TCERG1L: variants seen among roughly 807,000 people sequenced by gnomAD.
The protein encoded by TCERG1L is transcription elongation regulator 1 like.
Under a neutral mutation model 56.3 loss-of-function variants are expected in TCERG1L, and 37 were observed. That is an observed-to-expected ratio of 0.66 (90% CI 0.51 to 0.87). The LOEUF is 0.87. Ranked by LOEUF, TCERG1L falls within the 40% of genes least tolerant of loss-of-function variation. TCERG1L has a pLI of 0.00. For synonymous variants in TCERG1L, 324 were observed against 326.3 expected (o/e 0.99, Z 0.08); for missense variants, 799 against 774.2 (o/e 1.03, Z -0.38).
At chr10:131,221,763 C>A (rs1362948472) in intron 4 of TCERG1L, among the ~76,000 whole-genome samples, 1 of 152,212 alleles carries the variant, frequency 6.6e-6, no homozygotes, top group East Asian at 1.9e-4. Flanking sequence ...ACACGGAGGG[C>A]AGCCCGGTCT....
chr10:131,301,980 G>C (rs867761957), intron 3 of TCERG1L, among the ~76,000 whole-genome samples: 2 of 152,064 alleles, frequency 1.3e-5, no homozygotes, highest in South Asian at 2.1e-4. Context: ...TAAAATACAA[G>C]ATGTAGACAG....
Position 131,260,250 on chromosome 10 carries a change from C to T in TCERG1L, c.856+9G>A, listed in dbSNP as rs757070952. 16 of 1,353,648 alleles carry T rather than the reference C, an allele frequency of 1.2e-5. No homozygotes were observed. In the East Asian group the frequency reaches 1.4e-4, roughly 12 times the overall value. 83.9% of individuals were successfully genotyped at this position (1,353,648 alleles called of 1,614,324 possible). ...AGCACCAGGCGTCGGGACGGCGCTCCGAGCCTACCTGAGACGGGGGACGTC... is the reference window on the plus strand; with the variant it reads ...AGCACCAGGCGTCGGGACGGCGCTCTGAGCCTACCTGAGACGGGGGACGTC... On this transcript the variant is annotated intron_variant, in intron 4 of 11. Transcript: ENST00000368642. The surrounding 1 kb of genome is among the most constrained non-coding windows in gnomAD (Gnocchi z 5.8).
intron 10 of TCERG1L, among the ~76,000 whole-genome samples, chr10:131,101,061 T>G (rs2133380155): frequency 6.6e-6 from 1 of 152,344 alleles, no homozygotes; most frequent in South Asian, 2.1e-4. Flanking sequence ...TTTAAAGGTT[T>G]TCCCCAGGCA....
chr10:131,307,434 G>C (rs1846827920), intron 3 of TCERG1L, among the ~76,000 whole-genome samples: 1 of 152,194 alleles, frequency 6.6e-6, no homozygotes, highest in Admixed American at 6.5e-5. Context: ...GACACATATT[G>C]AGACAAGCTT....
chr10:131,177,327 G>A (rs982772012), intron 4 of TCERG1L, among the ~76,000 whole-genome samples: 5 of 152,274 alleles, frequency 3.3e-5, no homozygotes, highest in African/African-American at 1.2e-4. Context: ...ACCTGTCACA[G>A]CGGATAAAGG....
At chr10:131,253,191 G>A (rs1270057892) in intron 4 of TCERG1L, among the ~76,000 whole-genome samples, 4 of 152,178 alleles carry the variant, frequency 2.6e-5, no homozygotes, top group South Asian at 2.1e-4. Flanking sequence ...CGCAGCCACC[G>A]GGTGATTGAT....
In TCERG1L at chr10:131,213,107, T is replaced by C. The variant is rs377257129; in HGVS notation, c.857-46222A>G. 1.7e-4 allele frequency among the ~76,000 whole-genome samples: 26 copies of C among 152,364 alleles called. No homozygotes were observed. In the East Asian group the frequency reaches 1.9e-3, roughly 11 times the overall value. Reference sequence around the variant, plus strand: ...AGGCTGTATGGGCAGTGAGGGGGCTTGTGTTGGCCACCCAGGGCTGAGGAC... The same window carrying C: ...AGGCTGTATGGGCAGTGAGGGGGCTCGTGTTGGCCACCCAGGGCTGAGGAC... On this transcript the variant is annotated intron_variant, in intron 4 of 11. Coordinates refer to ENST00000368642, the MANE Select transcript of TCERG1L (RefSeq NM_174937.4).
intron 4 of TCERG1L, among the ~76,000 whole-genome samples, chr10:131,221,941 T>C (rs1458757554): frequency 6.6e-6 from 1 of 152,236 alleles, no homozygotes; most frequent in Non-Finnish European, 1.5e-5. Context: ...CGAGGCAGAC[T>C]GCAGTCATGA....
chr10:131,223,441 C>CA (rs1169374322), intron 4 of TCERG1L, among the ~76,000 whole-genome samples: 1 of 152,226 alleles, frequency 6.6e-6, no homozygotes, highest in East Asian at 1.9e-4. Flanking sequence ...GATGCCGACC[C>CA]ATCCTGATGA....
At chr10:131,176,997 C>CAT (rs1846166608) in intron 4 of TCERG1L, among the ~76,000 whole-genome samples, 1 of 40,802 alleles carries the variant, frequency 2.5e-5, no homozygotes. Context: ...GACAGGTGTA[C>CAT]ACACAGACAC....
chr10:131,221,114 C>A (rs1045741269), intron 4 of TCERG1L, among the ~76,000 whole-genome samples: 5 of 152,238 alleles, frequency 3.3e-5, no homozygotes, highest in African/African-American at 1.2e-4. Context: ...GGCCCCCACG[C>A]CTGCCCCCAA....
At chr10:131,095,012 G>A (rs767929492) in intron 11 of TCERG1L, among the ~76,000 whole-genome samples, 1 of 152,226 alleles carries the variant, frequency 6.6e-6, no homozygotes, top group Non-Finnish European at 1.5e-5. Flanking sequence ...GGCAGCAACC[G>A]GCTTTCTGCT....
chr10:131,194,449 G>A (rs987194947), intron 4 of TCERG1L, among the ~76,000 whole-genome samples: 3 of 152,108 alleles, frequency 2.0e-5, no homozygotes, highest in Non-Finnish European at 4.4e-5. Context: ...GAATTAGAGG[G>A]CCCTTTTGTC....
intron 8 of TCERG1L, among the ~76,000 whole-genome samples, chr10:131,131,896 G>A (rs1403141351): frequency 1.3e-5 from 2 of 152,212 alleles, no homozygotes; most frequent in Non-Finnish European, 2.9e-5. Flanking sequence ...CAGGCCCCCT[G>A]GAGGCATGTT....
In TCERG1L at chr10:131,260,586, T is replaced by C; in HGVS notation, c.671-142A>G. 1.9e-6 allele frequency: 2 copies of C among 1,066,240 alleles called. No individual in the cohort carries two copies. Among genetic ancestry groups the C allele is most frequent in the South Asian group, 3.4e-5 (1 of 29,688 alleles). 66.0% of individuals were successfully genotyped at this position (1,066,240 alleles called of 1,614,324 possible). A position where few individuals can be genotyped will look rare whatever the true frequency, so the allele number is the denominator to read the frequency against. On this transcript the variant is annotated intron_variant, in intron 3 of 11. Coordinates refer to ENST00000368642, the MANE Select transcript of TCERG1L (RefSeq NM_174937.4). This position sits in a 1 kb window ranked among gnomAD's most constrained non-coding sequence, Gnocchi z 5.8. ...CCCTCTTTAATGGAGGCCCACAGTA[T>C]GTGCCACCGTCCGCAGAACAAATGC...
intron 4 of TCERG1L, among the ~76,000 whole-genome samples, chr10:131,245,222 A>T (rs188525727): frequency 1.1e-3 from 162 of 152,314 alleles, no homozygotes; most frequent in Non-Finnish European, 1.3e-3. Flanking sequence ...CACCAGAGAA[A>T]GTGTCAGCAA....
chr10:131,227,267 C>T (rs1845800403), intron 4 of TCERG1L, among the ~76,000 whole-genome samples: 1 of 152,236 alleles, frequency 6.6e-6, no homozygotes, highest in Admixed American at 6.5e-5. Flanking sequence ...TCTATGCCTG[C>T]AGATAAGTGG....
At chr10:131,241,126 T>C (rs973347006) in intron 4 of TCERG1L, among the ~76,000 whole-genome samples, 17 of 151,852 alleles carry the variant, frequency 1.1e-4, no homozygotes, top group African/African-American at 3.9e-4. Context: ...ACAGAAATGG[T>C]GATGAAACAA....
chr10:131,251,703 G>A (rs1020245301), intron 4 of TCERG1L, among the ~76,000 whole-genome samples: 1 of 152,104 alleles, frequency 6.6e-6, no homozygotes, highest in African/African-American at 2.4e-5. Flanking sequence ...CCTCTCCAAG[G>A]TCCCTCAGAT....
Sources: allele counts gnomAD v4.1 joint callset (sites outside exome capture counted in the v4.1 genomes callset), GRCh38; gene constraint gnomAD v4.1.1; non-coding constraint Gnocchi (gnomAD v3.1); transcripts MANE v1.5; gene names NCBI Gene and HGNC (gene_info 2026-07-23, HGNC 2026-07-21).